The following NKAIN2 variants were observed in gnomAD, a reference collection of about 807,000 sequenced individuals.
The protein encoded by NKAIN2 is sodium/potassium transporting ATPase interacting 2.
In NKAIN2, 14 loss-of-function variants were observed where a neutral mutation model predicts 32.6. The ratio of observed to expected loss-of-function variants is 0.43; its 90% CI spans 0.28 to 0.67. NKAIN2 has a LOEUF of 0.67. Ranked by LOEUF, NKAIN2 falls within the 30% of genes least tolerant of loss-of-function variation. NKAIN2 has a pLI of 0.17. For missense variants in NKAIN2, 198 were observed against 258.3 expected, an observed-to-expected ratio of 0.77 and a Z score of 1.60; for synonymous variants, 80 against 87.2, an observed-to-expected ratio of 0.92 and a Z score of 0.46.
At chr6:124,537,382 G>A (rs1272592780) in intron 3 of NKAIN2, among the ~76,000 whole-genome samples, 1 of 152,154 alleles carries the variant, frequency 6.6e-6, no homozygotes, top group Non-Finnish European at 1.5e-5. Context: ...CCTCTCCTTG[G>A]TGAAAGCTGG....
intron 3 of NKAIN2, among the ~76,000 whole-genome samples, chr6:124,359,369 G>A (rs1219646453): frequency 3.3e-5 from 5 of 152,120 alleles, no homozygotes; most frequent in Non-Finnish European, 2.9e-5. Context: ...GGGCAGTATG[G>A]CCATTTTCAC....
At chr6:124,632,950 T>C (rs1783626402) in intron 3 of NKAIN2, among the ~76,000 whole-genome samples, 1 of 152,208 alleles carries the variant, frequency 6.6e-6, no homozygotes, top group Non-Finnish European at 1.5e-5. Context: ...ATTGGAAAAC[T>C]ACCTAAGAGG....
chr6:124,637,770 A>C (rs770355786), intron 3 of NKAIN2, among the ~76,000 whole-genome samples: 1 of 152,122 alleles, frequency 6.6e-6, no homozygotes, highest in South Asian at 2.1e-4. Context: ...GAGGACCCCC[A>C]AAAATAAAAA....
At chr6:124,343,201 G>A (rs1293182112) in intron 2 of NKAIN2, among the ~76,000 whole-genome samples, 1 of 152,052 alleles carries the variant, frequency 6.6e-6, no homozygotes, top group Non-Finnish European at 1.5e-5. Context: ...TGGTGTATAT[G>A]TGCCACATTT....
intron 3 of NKAIN2, among the ~76,000 whole-genome samples, chr6:124,523,159 A>AG (rs1235933411): frequency 3.4e-5 from 5 of 147,488 alleles, no homozygotes; most frequent in Non-Finnish European, 6.0e-5. Context: ...AAAAAAAGAA[A>AG]AAAGATCTTT....
At chr6:124,389,711 A>G (rs1280961091) in intron 3 of NKAIN2, among the ~76,000 whole-genome samples, 1 of 115,176 alleles carries the variant, frequency 8.7e-6, no homozygotes, top group African/African-American at 3.5e-5. Context: ...ATCTCTGTGT[A>G]CATTTGTGTG....
chr6:124,756,357 GT>G (rs1777965189), intron 4 of NKAIN2, among the ~76,000 whole-genome samples: 1 of 151,970 alleles, frequency 6.6e-6, no homozygotes, highest in African/African-American at 2.4e-5. Flanking sequence ...AACCCATTTC[GT>G]TTTTGTTTGT....
intron 1 of NKAIN2, among the ~76,000 whole-genome samples, chr6:124,199,690 G>A (rs1007995700): frequency 6.6e-6 from 1 of 152,166 alleles, no homozygotes; most frequent in Admixed American, 6.6e-5. Context: ...ACATTTTACA[G>A]TATGGGGTGC....
Position 123,888,343 on chromosome 6 carries a change from A to G in NKAIN2, c.54+84089A>G, listed in dbSNP as rs114748884. On this transcript the variant is annotated intron_variant, in intron 1 of 6. Transcript: ENST00000368417. ...TTTCAAACACACCCTTCACTTTCCT[A>G]TTGCTTAGAATGCTTTTTACTTGGG... 5.9e-5 allele frequency among the ~76,000 whole-genome samples: 9 copies of G among 152,166 alleles called. No homozygotes were observed. The South Asian group carries it at 8.3e-4, about 14-fold the overall frequency.
chr6:123,874,952 A>G (rs909204301), intron 1 of NKAIN2, among the ~76,000 whole-genome samples: 1 of 152,052 alleles, frequency 6.6e-6, no homozygotes, highest in Non-Finnish European at 1.5e-5. Context: ...TATATAAAGG[A>G]TATGAATATT....
intron 3 of NKAIN2, among the ~76,000 whole-genome samples, chr6:124,424,170 T>G (rs1774879002): frequency 6.6e-6 from 1 of 152,030 alleles, no homozygotes. Flanking sequence ...ATTTTTTGTA[T>G]TTTTAGTAGA....
intron 3 of NKAIN2, among the ~76,000 whole-genome samples, chr6:124,592,957 A>G (rs1271569005): frequency 1.3e-5 from 2 of 152,028 alleles, no homozygotes; most frequent in African/African-American, 4.8e-5. Flanking sequence ...AAACCTCTCT[A>G]CTTTCTTAAT....
chr6:124,552,288 G>A (rs1042625489), intron 3 of NKAIN2, among the ~76,000 whole-genome samples: 1 of 152,188 alleles, frequency 6.6e-6, no homozygotes, highest in African/African-American at 2.4e-5. Flanking sequence ...CCTATGGCAG[G>A]GATAGAAGAT....
chr6:124,409,005 G>T (rs1423989706), intron 3 of NKAIN2, among the ~76,000 whole-genome samples: 2 of 152,114 alleles, frequency 1.3e-5, no homozygotes, highest in Non-Finnish European at 2.9e-5. Flanking sequence ...GTCTGTTATT[G>T]GTGTATAAGA....
At chr6:123,987,497 A>T (rs1196067731) in intron 1 of NKAIN2, among the ~76,000 whole-genome samples, 1 of 152,136 alleles carries the variant, frequency 6.6e-6, no homozygotes, top group Non-Finnish European at 1.5e-5. Context: ...GCTTGGGCCG[A>T]TGTGGGAGGT....
In NKAIN2 at chr6:124,279,789, C is replaced by T. The variant is rs73565625; in HGVS notation, c.55-3216C>T. 7.8e-3 allele frequency among the ~76,000 whole-genome samples: 1,186 copies of T among 151,942 alleles called. 19 individuals are homozygous for T. Among genetic ancestry groups the T allele is most frequent in the African/African-American group, 0.027 (1,128 of 41,452 alleles). ...ATGACAAAAGGATATTGATCGAATA[C>T]TCAATCTAATCCATCACATTCATTG... On this transcript the variant is annotated intron_variant, in intron 1 of 6. Coordinates refer to ENST00000368417, the MANE Select transcript of NKAIN2 (RefSeq NM_001040214.3).
chr6:124,629,694 A>AGAT (rs1217406382), intron 3 of NKAIN2, among the ~76,000 whole-genome samples: 1 of 152,168 alleles, frequency 6.6e-6, no homozygotes, highest in Non-Finnish European at 1.5e-5. Context: ...CCCAATGTAG[A>AGAT]GATACTATAA....
chr6:124,087,261 A>G (rs1041611396), intron 1 of NKAIN2, among the ~76,000 whole-genome samples: 2 of 151,962 alleles, frequency 1.3e-5, no homozygotes, highest in Non-Finnish European at 2.9e-5. Context: ...GTAGGAATTG[A>G]GGGGAACTTC....
chr6:124,694,607 A>G (rs1266859742), intron 4 of NKAIN2, among the ~76,000 whole-genome samples: 2 of 152,210 alleles, frequency 1.3e-5, no homozygotes, highest in African/African-American at 4.8e-5. Flanking sequence ...CTCTTGAACA[A>G]AGCAGGTAGA....
Sources: gnomAD v4.1 joint callset for allele counts (sites outside exome capture counted in the v4.1 genomes callset) on GRCh38, gnomAD v4.1.1 for gene constraint, MANE v1.5 for transcripts, NCBI Gene and HGNC (gene_info 2026-07-23, HGNC 2026-07-21) for gene names.